The following CD48 variants were observed in gnomAD, a reference collection of about 807,000 sequenced individuals.
CD48 encodes the protein CD48 antigen.
CD48 carries 20 observed loss-of-function variants against 22.0 expected under a neutral mutation model. That is an observed-to-expected ratio of 0.91 (90% CI 0.64 to 1.32). CD48 has a LOEUF of 1.32. Ranked by LOEUF, CD48 falls within the 40% of genes most tolerant of loss-of-function variation. CD48 has a pLI of 0.00. For synonymous variants in CD48, 110 were observed against 110.1 expected (o/e 1.00, Z 0.01); for missense variants, 307 against 286.5 (o/e 1.07, Z -0.52).
At chr1:160,681,083 C>T in intron 3 of CD48, 119 bp downstream of exon 3, 1 of 1,553,288 alleles carries the variant, frequency 6.4e-7, no homozygotes, top group South Asian at 1.2e-5. Context: ...CTCTCCCAGA[C>T]ACCTTAGGGA....
intron 1 of CD48, among the ~76,000 whole-genome samples, chr1:160,710,105 C>A (rs1480593302): frequency 6.6e-6 from 1 of 152,116 alleles, no homozygotes; most frequent in Admixed American, 6.6e-5. Flanking sequence ...TCTTTTAAGG[C>A]AAACAGTAAA....
At chr1:160,707,789 T>A (rs1662834808) in intron 1 of CD48, among the ~76,000 whole-genome samples, 1 of 152,092 alleles carries the variant, frequency 6.6e-6, no homozygotes, top group Non-Finnish European at 1.5e-5. Flanking sequence ...GACTCAAAAT[T>A]TATTCCTTCC....
chr1:160,687,444 T>A (rs1662043718), intron 1 of CD48, among the ~76,000 whole-genome samples: 1 of 152,198 alleles, frequency 6.6e-6, no homozygotes, highest in South Asian at 2.1e-4. Context: ...ACTGGGGAAG[T>A]GATAAGTGTC....
intron 1 of CD48, among the ~76,000 whole-genome samples, chr1:160,694,083 A>AC: frequency 1.3e-5 from 2 of 152,248 alleles, no homozygotes; most frequent in African/African-American, 2.4e-5. Flanking sequence ...CTAAATCTAA[A>AC]AGGAGTTCAA....
Position 160,681,302 on chromosome 1 carries a change from G to A in CD48, c.552C>T (p.Thr184=). The change falls in exon 3 of 4, where the codon ACC becomes ACT. Residue 184 remains threonine, a synonymous_variant. Coordinates refer to ENST00000368046, the MANE Select transcript of CD48 (RefSeq NM_001778.4). ...KELQNSVLET[T]LMPHNYSRCY... is the part of the protein sequence containing the mutation. ...ACCTGGAGTAATTATGTGGCATAAG[G>A]GTGGTTTCAAGCACACTGTTCTGGA... 1.9e-6 allele frequency: 3 copies of A among 1,614,196 alleles called. No homozygotes were observed. Among genetic ancestry groups the A allele is most frequent in the African/African-American group, 1.3e-5 (1 of 75,054 alleles).
Position 160,711,732 on chromosome 1 carries a change from G to T in CD48, c.32C>A (p.Ala11Asp). The change falls in exon 1 of 4, where the codon GCT becomes GAT. Residue 11 changes from alanine to aspartate, a missense_variant. Coordinates refer to ENST00000368046, the MANE Select transcript of CD48 (RefSeq NM_001778.4). MCSRGWDSCL[A>D]LELLLLPLSL... is the part of the protein sequence containing the mutation. ...CAGAGGCAGCAGTAGCAATTCCAGA[G>T]CCAGACACGAATCCCAACCTCTGGA... is the stretch of plus-strand genomic sequence containing the variant. 6.2e-7 allele frequency: 1 copy of T among 1,613,712 alleles called. No homozygotes were observed. Among genetic ancestry groups the T allele is most frequent in the African/African-American group, 1.3e-5 (1 of 74,996 alleles).
intron 2 of CD48, chr1:160,683,672 C>G (rs1362050024): frequency 1.3e-5 from 2 of 152,146 alleles, no homozygotes; most frequent in Admixed American, 1.3e-4. Context: ...GGATCAGGGA[C>G]TGTCTGGCTG....
Position 160,678,966 on chromosome 1 carries a change from A to G in CD48, c.*86T>C. The G allele has an allele frequency of 1.0e-6, 1 of 966,806 alleles. No homozygotes were observed. Among genetic ancestry groups the G allele is most frequent in the South Asian group, 1.3e-5 (1 of 76,812 alleles). The allele number at this position is 966,806 out of a possible 1,614,324, so 59.9% of individuals were successfully genotyped here. ...AGCAGCATGCTTCTGGTCAGCCTAT[A>G]CAGTCTCTGTCCTGGTGAGGAGCAT... On this transcript the variant is annotated 3_prime_UTR_variant, in exon 4 of 4. Coordinates refer to ENST00000368046, the MANE Select transcript of CD48 (RefSeq NM_001778.4).
chr1:160,680,457 A>G (rs1304753444), intron 3 of CD48: 2 of 411,952 alleles, frequency 4.9e-6, no homozygotes, highest in East Asian at 1.6e-4. Flanking sequence ...TTTAGGAAGA[A>G]CATGACTTGG....
At chr1:160,684,819 G>A in intron 2 of CD48, 68 bp downstream of exon 2, 2 of 1,613,900 alleles carry the variant, frequency 1.2e-6, no homozygotes, top group Non-Finnish European at 1.7e-6. Context: ...ATGCCTCCCA[G>A]GAAGCCCTAC....
intron 1 of CD48, among the ~76,000 whole-genome samples, chr1:160,690,936 A>G (rs954433995): frequency 2.6e-5 from 4 of 152,170 alleles, no homozygotes. Context: ...GTGCTCTCTG[A>G]AACATGTGCT....
At chr1:160,711,377 G>GA (rs1433652674) in intron 1 of CD48, among the ~76,000 whole-genome samples, 3 of 151,484 alleles carry the variant, frequency 2.0e-5, no homozygotes, top group Non-Finnish European at 4.4e-5. Context: ...TATTCAAAAT[G>GA]AAAAAACAAA....
chr1:160,694,509 A>G (rs1289902648), intron 1 of CD48, among the ~76,000 whole-genome samples: 11 of 152,050 alleles, frequency 7.2e-5, no homozygotes, highest in Non-Finnish European at 1.0e-4. Flanking sequence ...TTAGGGCCAC[A>G]TAATCAAGAA....
intron 1 of CD48, among the ~76,000 whole-genome samples, chr1:160,687,833 G>A (rs1662057079): frequency 6.6e-6 from 1 of 152,208 alleles, no homozygotes; most frequent in African/African-American, 2.4e-5. Context: ...TCTGCCACCT[G>A]ATCTAATGCC....
At chr1:160,680,543 A>G in intron 3 of CD48, 1 of 988,332 alleles carries the variant, frequency 1.0e-6, no homozygotes, top group Non-Finnish European at 1.2e-6. Flanking sequence ...TCTAAAACCC[A>G]TGGCCTTAGC....
intron 1 of CD48, among the ~76,000 whole-genome samples, chr1:160,711,200 T>C (rs891751298): frequency 6.6e-6 from 1 of 152,168 alleles, no homozygotes; most frequent in Non-Finnish European, 1.5e-5. Context: ...CTTTCCAAGC[T>C]TTTCTTCCTA....
At chr1:160,680,990 T>C in intron 3 of CD48, 1 of 1,364,438 alleles carries the variant, frequency 7.3e-7, no homozygotes, top group Non-Finnish European at 9.3e-7. Flanking sequence ...CCTTTGCAGG[T>C]GAGAACACTG....
At chr1:160,709,869 A>T (rs1188089757) in intron 1 of CD48, among the ~76,000 whole-genome samples, 1 of 152,212 alleles carries the variant, frequency 6.6e-6, no homozygotes, top group East Asian at 1.9e-4. Context: ...TTCTGTCCTC[A>T]AAAAGTTCAA....
intron 2 of CD48, 136 bp downstream of exon 2, chr1:160,684,751 G>A: frequency 5.6e-6 from 9 of 1,601,250 alleles, no homozygotes; most frequent in Non-Finnish European, 7.7e-6. Flanking sequence ...ATTGGATCAA[G>A]GAAAAATGAA....
Sources: allele counts gnomAD v4.1 joint callset (sites outside exome capture counted in the v4.1 genomes callset), GRCh38; gene constraint gnomAD v4.1.1; transcripts MANE v1.5; gene names NCBI Gene and HGNC (gene_info 2026-07-23, HGNC 2026-07-21).